The following ST6GAL2 variants were observed in gnomAD, a reference collection of about 807,000 sequenced individuals.
ST6GAL2 encodes beta-galactoside alpha-2,6-sialyltransferase 2.
Under a neutral mutation model 37.5 loss-of-function variants are expected in ST6GAL2, and 24 were observed. The ratio of observed to expected loss-of-function variants is 0.64; its 90% CI spans 0.46 to 0.90. The LOEUF (loss-of-function observed/expected upper bound fraction) is 0.90. ST6GAL2 is among the 40% of genes least tolerant of loss of function. The probability of loss-of-function intolerance (pLI) is 0.00; values close to 1 mark genes in which losing one functional copy is unlikely to be tolerated. For synonymous variants in ST6GAL2, 306 were observed against 295.1 expected (o/e 1.04, Z -0.38); for missense variants, 715 against 712.7 (o/e 1.00, Z -0.04).
At chr2:106,857,709 C>T (rs1677634501) in intron 1 of ST6GAL2, among the ~76,000 whole-genome samples, 1 of 152,172 alleles carries the variant, frequency 6.6e-6, no homozygotes, top group African/African-American at 2.4e-5. Flanking sequence ...TATGGCCCTT[C>T]AAAGAAATTT....
intron 1 of ST6GAL2, among the ~76,000 whole-genome samples, chr2:106,849,259 A>G (rs932363885): frequency 1.3e-5 from 2 of 152,184 alleles, no homozygotes; most frequent in Non-Finnish European, 2.9e-5. Context: ...CCTCATGGCC[A>G]GATGGACCCC....
chr2:106,846,343 G>A (rs961705728), intron 1 of ST6GAL2, among the ~76,000 whole-genome samples: 2 of 152,046 alleles, frequency 1.3e-5, no homozygotes, highest in Admixed American at 6.6e-5. Context: ...TTAGATTCAG[G>A]GGTACATGTG....
chr2:106,867,995 G>A (rs930835942), intron 1 of ST6GAL2, among the ~76,000 whole-genome samples: 19 of 152,128 alleles, frequency 1.2e-4, no homozygotes, highest in Admixed American at 3.9e-4. Flanking sequence ...AGGCAAGAGC[G>A]AAACTAACAA....
At chr2:106,851,589 C>G (rs904850520) in intron 1 of ST6GAL2, among the ~76,000 whole-genome samples, 1 of 152,062 alleles carries the variant, frequency 6.6e-6, no homozygotes, top group African/African-American at 2.4e-5. Flanking sequence ...CTAGGTCTTA[C>G]CACTTTAACG....
rs759106334 is a variant in ST6GAL2, at chr2:106,843,985, C to G, written c.-8G>C. 6.4e-7 allele frequency: 1 copy of G among 1,561,734 alleles called. No homozygotes were observed. The highest frequency in any genetic ancestry group is 1.7e-5 in the Admixed American group (1 of 57,400). On this transcript the variant is annotated 5_prime_UTR_variant, in exon 2 of 6. Coordinates refer to ENST00000409382, the MANE Select transcript of ST6GAL2 (RefSeq NM_001142351.2). ...CTTCAAGTGTGGTTTCATGGCAGGT[C>G]TCTGCGGTCAGCACCTTGTGTCTTA...
At chr2:106,819,382 T>C (rs1675918868) in intron 5 of ST6GAL2, among the ~76,000 whole-genome samples, 1 of 151,096 alleles carries the variant, frequency 6.6e-6, no homozygotes, top group Non-Finnish European at 1.5e-5. Flanking sequence ...TAACATACAA[T>C]GGAGCTCCAA....
rs893631541 is a variant in ST6GAL2 at position 106,801,719 on chromosome 2, T to C, written c.*4959A>G. 1 of 152,238 alleles carries C rather than the reference T, an allele frequency of 6.6e-6. No individual in the cohort carries two copies. 9.4% of individuals were successfully genotyped at this position (152,238 alleles called of 1,614,324 possible). A position where few individuals can be genotyped will look rare whatever the true frequency, so the allele number is the denominator to read the frequency against. On this transcript the variant is annotated 3_prime_UTR_variant, in exon 6 of 6. Coordinates refer to ENST00000409382, the MANE Select transcript of ST6GAL2 (RefSeq NM_001142351.2). Reference sequence around the variant, plus strand: ...AGTGTTAAAATGTGTACAAACACTTTTAAAATGCGACTCCTGGAAAACTTC... The same window carrying C: ...AGTGTTAAAATGTGTACAAACACTTCTAAAATGCGACTCCTGGAAAACTTC...
intron 1 of ST6GAL2, among the ~76,000 whole-genome samples, chr2:106,869,376 C>T (rs182419654): frequency 9.2e-5 from 14 of 152,314 alleles, no homozygotes; most frequent in South Asian, 4.1e-4. Context: ...CAATTTTCTG[C>T]AGCAAACTGT....
rs571685970 is a variant in ST6GAL2, at chr2:106,816,874, TC to T, written c.1319-9926del. Among the ~76,000 whole-genome samples, 540 of 152,134 alleles carry T rather than the reference TC, an allele frequency of 3.5e-3. 2 individuals carry two copies. The highest frequency in any genetic ancestry group is 0.012 in the African/African-American group (492 of 41,530). On this transcript the variant is annotated intron_variant, in intron 5 of 5. Coordinates refer to ENST00000409382, the MANE Select transcript of ST6GAL2 (RefSeq NM_001142351.2). ...CCTTGCCAACACCGTGCCTCCTCCA[TC>T]CCCCAGCAGGGAGGAGAATCTGTGC...
rs1318116034 is a variant in ST6GAL2, at chr2:106,843,493, G to C, written c.485C>G (p.Ala162Gly). 7.4e-6 allele frequency: 12 copies of C among 1,614,028 alleles called. No individual in the cohort carries two copies. Among genetic ancestry groups the C allele is most frequent in the Non-Finnish European group, 9.3e-6 (11 of 1,180,004 alleles). Residue 162 changes from alanine (A) to glycine (G), a missense_variant, in exon 2 of 6, where the codon GCT (alanine) becomes GGT (glycine). Coordinates refer to ENST00000409382, the MANE Select transcript of ST6GAL2 (RefSeq NM_001142351.2). ...CCTCTGGACCTGTGCAGCCGGAAAA[G>C]CCCCCTCCCGTGGGCCTGGCTCCCC... ...SPGEPGPREG[A>G]FPAAQVQRRR...
intron 1 of ST6GAL2, among the ~76,000 whole-genome samples, chr2:106,872,192 T>C (rs1678297094): frequency 6.6e-6 from 1 of 152,260 alleles, no homozygotes; most frequent in Non-Finnish European, 1.5e-5. Context: ...GAATGTTGTA[T>C]GTGGCACTTG....
chr2:106,881,135 G>A (rs1184155614), intron 1 of ST6GAL2, among the ~76,000 whole-genome samples: 1 of 152,070 alleles, frequency 6.6e-6, no homozygotes. Context: ...ACAGGTGCAT[G>A]CCCTCACACC....
chr2:106,867,830 C>A (rs1678099702), intron 1 of ST6GAL2, among the ~76,000 whole-genome samples: 1 of 152,072 alleles, frequency 6.6e-6, no homozygotes, highest in African/African-American at 2.4e-5. Context: ...TGCTTGTGTC[C>A]CGTGGAGGAC....
intron 1 of ST6GAL2, among the ~76,000 whole-genome samples, chr2:106,860,319 T>C (rs1365620330): frequency 8.5e-5 from 13 of 152,194 alleles, no homozygotes; most frequent in Non-Finnish European, 4.4e-5. Flanking sequence ...GAACAGTGCC[T>C]GGCATACAGT....
intron 5 of ST6GAL2, among the ~76,000 whole-genome samples, chr2:106,826,996 C>T (rs965785888): frequency 1.3e-5 from 2 of 152,116 alleles, no homozygotes; most frequent in Non-Finnish European, 2.9e-5. Flanking sequence ...GACCGGTGTA[C>T]CCAGAGCTGA....
At chr2:106,836,650 G>A (rs1368741072) in intron 2 of ST6GAL2, among the ~76,000 whole-genome samples, 2 of 151,650 alleles carry the variant, frequency 1.3e-5, no homozygotes, top group South Asian at 2.1e-4. Context: ...AACACTGGCT[G>A]GGCATGGTGG....
intron 1 of ST6GAL2, among the ~76,000 whole-genome samples, chr2:106,863,489 C>T (rs956122946): frequency 1.3e-5 from 2 of 151,998 alleles, no homozygotes; most frequent in African/African-American, 4.8e-5. Context: ...TGGGGGAGCA[C>T]AGGTGACCCC....
chr2:106,832,411 G>A (rs1171825765), intron 4 of ST6GAL2, among the ~76,000 whole-genome samples, 154 bp downstream of exon 4: 1 of 152,208 alleles, frequency 6.6e-6, no homozygotes, highest in Non-Finnish European at 1.5e-5. Flanking sequence ...TATTGTAACT[G>A]GGTATCAACG....
rs537952396 is a variant in ST6GAL2 at position 106,861,121 on chromosome 2, A to T, written c.-57-17087T>A. On this transcript the variant is annotated intron_variant, in intron 1 of 5. Transcript: ENST00000409382. Reference sequence around the variant, plus strand: ...TAAATCATCAGACTATGAACATAAAACTAACTAGGATGACACAGGAAAATA... The same window carrying T: ...TAAATCATCAGACTATGAACATAAATCTAACTAGGATGACACAGGAAAATA... Among the ~76,000 whole-genome samples, 5 of 152,336 alleles carry T rather than the reference A, an allele frequency of 3.3e-5. No homozygotes were observed. In the South Asian group the frequency reaches 1.0e-3, roughly 32 times the overall value.
Sources: gnomAD v4.1 joint callset for allele counts (sites outside exome capture counted in the v4.1 genomes callset) on GRCh38, gnomAD v4.1.1 for gene constraint, MANE v1.5 for transcripts, NCBI Gene and HGNC (gene_info 2026-07-23, HGNC 2026-07-21) for gene names.